COL25A1: variants seen among roughly 807,000 people sequenced by gnomAD.
COL25A1 encodes the protein collagen alpha-1(XXV) chain.
Under a neutral mutation model 128.4 loss-of-function variants are expected in COL25A1, and 103 were observed. The observed-to-expected ratio is 0.80, with a 90% confidence interval of 0.68 to 0.94. The LOEUF is 0.94. Among genes scored for constraint, COL25A1 ranks in the 40% least tolerant of loss-of-function variants. The probability of loss-of-function intolerance (pLI) is 0.00; values close to 1 mark genes in which losing one functional copy is unlikely to be tolerated. For synonymous variants in COL25A1, 279 were observed against 277.2 expected (o/e 1.01, Z -0.06); for missense variants, 745 against 840.0 (o/e 0.89, Z 1.40).
At chr4:109,065,545 C>CGTGT (rs70949065) in intron 3 of COL25A1, among the ~76,000 whole-genome samples, 1,460 of 141,158 alleles carry the variant, frequency 0.01, 18 homozygotes, top group East Asian at 0.043. Context: ...CGCGCGCGCG[C>CGTGT]GTGTGTGTGT....
intron 6 of COL25A1, among the ~76,000 whole-genome samples, chr4:108,997,208 C>T (rs1754868885): frequency 6.6e-6 from 1 of 151,362 alleles, no homozygotes; most frequent in South Asian, 2.1e-4. Context: ...TTGAAAAGAT[C>T]AACAAAATAG....
intron 3 of COL25A1, among the ~76,000 whole-genome samples, chr4:109,149,999 G>GTGTGT (rs1560774295): frequency 7.6e-6 from 1 of 132,196 alleles, no homozygotes; most frequent in Admixed American, 8.4e-5. Context: ...TGTATGTGTG[G>GTGTGT]GTGTGTGTGT....
chr4:109,264,080 G>A (rs763738306), intron 3 of COL25A1, among the ~76,000 whole-genome samples: 7 of 152,104 alleles, frequency 4.6e-5, no homozygotes, highest in Non-Finnish European at 8.8e-5. Flanking sequence ...TATGAAATTC[G>A]GATTTCTGTG....
chr4:109,051,135 CT>C (rs148515405), intron 3 of COL25A1, among the ~76,000 whole-genome samples: 3,911 of 152,236 alleles, frequency 0.026, 166 homozygotes, highest in African/African-American at 0.087. Context: ...AAATACAGAA[CT>C]GCCTGATTTT....
At chr4:109,140,501 T>C (rs180975962) in intron 3 of COL25A1, among the ~76,000 whole-genome samples, 20 of 152,360 alleles carry the variant, frequency 1.3e-4, no homozygotes, top group Admixed American at 1.2e-3. Flanking sequence ...GGGATAGCAT[T>C]GAATCTATAA....
chr4:108,836,686 C>T (rs922142315), intron 31 of COL25A1, among the ~76,000 whole-genome samples: 1 of 151,588 alleles, frequency 6.6e-6, no homozygotes, highest in African/African-American at 2.4e-5. Flanking sequence ...AATAATTTTA[C>T]ACTGATAATA....
At chr4:109,248,869 A>C (rs777386894) in intron 3 of COL25A1, among the ~76,000 whole-genome samples, 1 of 152,182 alleles carries the variant, frequency 6.6e-6, no homozygotes, top group South Asian at 2.1e-4. Context: ...AGCACTACTC[A>C]AGCCAGCTCC....
chr4:108,940,635 T>C lies in COL25A1; in HGVS notation c.576A>G (p.Gly192=). 6.3e-7 allele frequency: 1 copy of C among 1,595,924 alleles called. No homozygotes were observed. Among genetic ancestry groups the C allele is most frequent in the Non-Finnish European group, 8.5e-7 (1 of 1,172,054 alleles). ...CAGGGGGTCCTGGAGGCCCTGCCTG[T>C]CCTTGGTCACCCTGTGATGGAGAAG... ...IKRRLIKGDQ[G]QAGPPGPPGP... Residue 192 remains glycine (G), a synonymous_variant, in exon 10 of 38, where the codon GGA becomes GGG. Transcript: ENST00000399132.
At chr4:109,218,667 AATATTAT>A (rs1560887868) in intron 3 of COL25A1, among the ~76,000 whole-genome samples, 6 of 151,964 alleles carry the variant, frequency 3.9e-5, no homozygotes, top group Admixed American at 3.3e-4. Context: ...GTTTGCATCT[AATATTAT>A]ATATCACTAA....
chr4:109,263,814 A>C (rs1006303498), intron 3 of COL25A1, among the ~76,000 whole-genome samples: 1 of 152,248 alleles, frequency 6.6e-6, no homozygotes, highest in Non-Finnish European at 1.5e-5. Context: ...GCAAAATGAC[A>C]TAAAAGATAC....
intron 15 of COL25A1, 143 bp downstream of exon 15, chr4:108,899,011 A>ATAGCTATC: frequency 3.4e-6 from 2 of 585,920 alleles, no homozygotes; most frequent in Non-Finnish European, 6.1e-6. Context: ...ATATATCTAT[A>ATAGCTATC]TACCTACCTA....
At chr4:108,877,074 C>T (rs908540408) in intron 19 of COL25A1, among the ~76,000 whole-genome samples, 11 of 152,162 alleles carry the variant, frequency 7.2e-5, no homozygotes, top group African/African-American at 2.7e-4. Context: ...GTAGGCCTGA[C>T]AGTAAACTGC....
At chr4:109,047,733 T>C (rs958905336) in intron 5 of COL25A1, among the ~76,000 whole-genome samples, 66,575 of 138,584 alleles carry the variant, frequency 0.48, 17,625 homozygotes, top group African/African-American at 0.69. Flanking sequence ...ATACTCTTTT[T>C]TTTTTTTTTT....
intron 5 of COL25A1, among the ~76,000 whole-genome samples, chr4:109,010,646 A>G (rs1936919875): frequency 6.6e-6 from 1 of 152,220 alleles, no homozygotes; most frequent in South Asian, 2.1e-4. Flanking sequence ...TTAATTGGAA[A>G]AAGAGAAGGC....
chr4:109,170,043 C>T, intron 3 of COL25A1, among the ~76,000 whole-genome samples: 1 of 151,978 alleles, frequency 6.6e-6, no homozygotes, highest in Non-Finnish European at 1.5e-5. Flanking sequence ...TTTGGTGTTT[C>T]TAGCTATGAA....
chr4:109,247,977 C>T (rs145025081), intron 3 of COL25A1, among the ~76,000 whole-genome samples: 67 of 152,050 alleles, frequency 4.4e-4, no homozygotes, highest in African/African-American at 1.4e-3. Context: ...AGTAAGTTCA[C>T]GGAAGGAGGT....
At chr4:109,136,138 C>G (rs1005722974) in intron 3 of COL25A1, among the ~76,000 whole-genome samples, 1 of 152,178 alleles carries the variant, frequency 6.6e-6, no homozygotes, top group African/African-American at 2.4e-5. Context: ...TGGCTCACAT[C>G]TGTAATCCTA....
chr4:108,969,341 A>G (rs919759506), intron 8 of COL25A1, among the ~76,000 whole-genome samples: 1 of 152,164 alleles, frequency 6.6e-6, no homozygotes, highest in Non-Finnish European at 1.5e-5. Context: ...TTTCCTCTCT[A>G]TCCTTCCTGC....
At chr4:108,907,257 ACT>A (rs1338250858) in intron 13 of COL25A1, among the ~76,000 whole-genome samples, 1 of 151,988 alleles carries the variant, frequency 6.6e-6, no homozygotes, top group Admixed American at 6.6e-5. Flanking sequence ...ACCCTCCAGG[ACT>A]CTGTTGGGGG....
Sources: allele counts gnomAD v4.1 joint callset (sites outside exome capture counted in the v4.1 genomes callset), GRCh38; gene constraint gnomAD v4.1.1; transcripts MANE v1.5; gene names NCBI Gene and HGNC (gene_info 2026-07-23, HGNC 2026-07-21).